DCDC2: variants seen among roughly 807,000 people sequenced by gnomAD.
DCDC2 encodes doublecortin domain-containing protein 2.
Under a neutral mutation model 50.2 loss-of-function variants are expected in DCDC2, and 40 were observed. The observed-to-expected ratio is 0.80, with a 90% CI of 0.62 to 1.04. The LOEUF (loss-of-function observed/expected upper bound fraction) is 1.04. DCDC2 is among the 50% of genes least tolerant of loss of function. The pLI, the probability that DCDC2 is intolerant of heterozygous loss-of-function variation, is 0.00. For missense variants in DCDC2, 570 were observed against 581.9 expected (o/e 0.98, Z 0.21); for synonymous variants, 234 against 210.6 (o/e 1.11, Z -0.96).
chr6:24,358,814 AAATATATATAT>A (rs1760541525), upstream of DCDC2, among the ~76,000 whole-genome samples: 3 of 30,986 alleles, frequency 9.7e-5, no homozygotes, highest in African/African-American at 1.0e-4. Context: ...TATTATATAT[AAATATATATAT>A]TATATTTATA....
intron 7 of DCDC2, among the ~76,000 whole-genome samples, chr6:24,252,354 T>G (rs937108674): frequency 6.6e-6 from 1 of 152,128 alleles, no homozygotes; most frequent in Non-Finnish European, 1.5e-5. Context: ...ATTTCTAAAG[T>G]CCCACAACAT....
intron 7 of DCDC2, among the ~76,000 whole-genome samples, chr6:24,276,414 C>CAAAA (rs56396342): frequency 6.9e-5 from 10 of 145,984 alleles, no homozygotes; most frequent in African/African-American, 1.0e-4. Flanking sequence ...AGGCTTTTAA[C>CAAAA]AAAAAAAAAA....
At chr6:24,195,117 T>C (rs1024510833) in intron 8 of DCDC2, among the ~76,000 whole-genome samples, 8 of 152,072 alleles carry the variant, frequency 5.3e-5, no homozygotes. Context: ...TCAAGGACTA[T>C]GGAAGGTCTG....
At chr6:24,219,582 T>C (rs143566330) in intron 7 of DCDC2, among the ~76,000 whole-genome samples, 4 of 152,270 alleles carry the variant, frequency 2.6e-5, no homozygotes, top group African/African-American at 9.6e-5. Context: ...TTTAATAAAA[T>C]AGAAGACAAC....
chr6:24,278,107 C>T lies in DCDC2; in HGVS notation c.864G>A (p.Leu288=), dbSNP rs777521605. The change falls in exon 7 of 10, where the codon CTG becomes CTA. Residue 288 remains leucine (L), a synonymous_variant. Transcript: ENST00000378454. The part of the protein sequence containing the change: ...GKKEDVNSEK[L]TKLKQNVKLK... ...ATTTTACATTTTGTTTCAATTTCGT[C>T]AGTTTTTCTGAATTCACGTCTTCTT... The T allele has an allele frequency of 6.8e-6, 11 of 1,613,760 alleles. No homozygotes were observed. Among genetic ancestry groups the T allele is most frequent in the Non-Finnish European group, 9.3e-6 (11 of 1,179,808 alleles).
intron 7 of DCDC2, among the ~76,000 whole-genome samples, chr6:24,205,514 G>T (rs796125797): frequency 6.6e-6 from 1 of 152,132 alleles, no homozygotes; most frequent in African/African-American, 2.4e-5. Context: ...CCAAGAGAAT[G>T]CTATGCATTC....
rs1244680675 is a variant in DCDC2 at position 24,278,101 on chromosome 6, T to C, written c.870A>G (p.Lys290=). The C allele has an allele frequency of 6.2e-7, 1 of 1,613,814 alleles. No homozygotes were observed. The highest frequency in any genetic ancestry group is 8.5e-7 in the Non-Finnish European group (1 of 1,179,796). ...KEDVNSEKLT[K]LKQNVKLKNS... Reference sequence around the variant, plus strand: ...TCTTTAATTTTACATTTTGTTTCAATTTCGTCAGTTTTTCTGAATTCACGT... The same window carrying C: ...TCTTTAATTTTACATTTTGTTTCAACTTCGTCAGTTTTTCTGAATTCACGT... The change falls in exon 7 of 10, where the codon AAA becomes AAG. Residue 290 remains lysine (K), a synonymous_variant. Transcript: ENST00000378454.
At chr6:24,274,380 GC>G (rs1390212472) in intron 7 of DCDC2, among the ~76,000 whole-genome samples, 2 of 152,072 alleles carry the variant, frequency 1.3e-5, no homozygotes, top group Non-Finnish European at 2.9e-5. Flanking sequence ...ATATCTCAAG[GC>G]ACTGCAACTC....
chr6:24,375,333 A>C, the DCDC2 span, among the ~76,000 whole-genome samples: 1 of 151,880 alleles, frequency 6.6e-6, no homozygotes, highest in Non-Finnish European at 1.5e-5. Flanking sequence ...AGGCCGGGTC[A>C]CTCATATGGG....
At chr6:24,192,537 A>T (rs776383520) in intron 8 of DCDC2, among the ~76,000 whole-genome samples, 1 of 152,178 alleles carries the variant, frequency 6.6e-6, no homozygotes, top group South Asian at 2.1e-4. Context: ...GCAGGAAAGG[A>T]AAGTGTAAAA....
At chr6:24,288,501 T>G (rs1763667100) in intron 6 of DCDC2, among the ~76,000 whole-genome samples, 1 of 152,228 alleles carries the variant, frequency 6.6e-6, no homozygotes, top group Non-Finnish European at 1.5e-5. Context: ...TCAGCGAAAC[T>G]TCCCTTTTAG....
intron 2 of DCDC2, among the ~76,000 whole-genome samples, chr6:24,316,623 T>C (rs1759672946): frequency 6.6e-6 from 1 of 152,176 alleles, no homozygotes; most frequent in African/African-American, 2.4e-5. Context: ...ACTGATAACA[T>C]TTTAAATTAA....
chr6:24,302,245 A>G (rs1759392730), intron 2 of DCDC2, among the ~76,000 whole-genome samples: 1 of 151,664 alleles, frequency 6.6e-6, no homozygotes, highest in Non-Finnish European at 1.5e-5. Flanking sequence ...TCTCAAGAAA[A>G]GAAAGGAAAA....
intron 7 of DCDC2, among the ~76,000 whole-genome samples, chr6:24,241,733 CAA>C (rs1762566520): frequency 6.6e-6 from 1 of 152,224 alleles, no homozygotes; most frequent in Admixed American, 6.5e-5. Context: ...CCACCTTCCC[CAA>C]AGTCCTTCAA....
At chr6:24,267,946 G>A (rs1763159687) in intron 7 of DCDC2, among the ~76,000 whole-genome samples, 1 of 152,132 alleles carries the variant, frequency 6.6e-6, no homozygotes, top group Non-Finnish European at 1.5e-5. Context: ...CAATGATCAG[G>A]TAATGTGTGG....
intron 8 of DCDC2, among the ~76,000 whole-genome samples, chr6:24,185,276 A>T (rs1761166217): frequency 1.3e-5 from 2 of 152,190 alleles, no homozygotes. Flanking sequence ...ACTAACAAGC[A>T]GTATTATGCT....
chr6:24,275,731 A>G (rs1384076136), intron 7 of DCDC2, among the ~76,000 whole-genome samples: 1 of 152,186 alleles, frequency 6.6e-6, no homozygotes, highest in Non-Finnish European at 1.5e-5. Context: ...AAAGAACAGG[A>G]AGGCTTATAC....
At chr6:24,309,660 C>T (rs952087819) in intron 2 of DCDC2, among the ~76,000 whole-genome samples, 4 of 151,946 alleles carry the variant, frequency 2.6e-5, no homozygotes, top group African/African-American at 9.7e-5. Flanking sequence ...AGAACAAAAA[C>T]AAATATTAGA....
At chr6:24,237,262 C>G (rs576493838) in intron 7 of DCDC2, among the ~76,000 whole-genome samples, 271 of 152,108 alleles carry the variant, frequency 1.8e-3, no homozygotes, top group African/African-American at 6.2e-3. Context: ...ATACCTGTTG[C>G]GTACTATGCT....
Sources: allele counts gnomAD v4.1 joint callset (sites outside exome capture counted in the v4.1 genomes callset), GRCh38; gene constraint gnomAD v4.1.1; transcripts MANE v1.5; gene names NCBI Gene and HGNC (gene_info 2026-07-23, HGNC 2026-07-21).